The following CCDC93 variants were observed in gnomAD, a reference collection of about 807,000 sequenced individuals.
The protein encoded by CCDC93 is coiled-coil domain-containing protein 93.
In CCDC93, 61 loss-of-function variants were observed where a neutral mutation model predicts 108.2. That is an observed-to-expected ratio of 0.56 (90% confidence interval 0.46 to 0.70). The LOEUF (loss-of-function observed/expected upper bound fraction) is 0.70, where lower values mean the gene tolerates loss of function less well. Ranked by LOEUF, CCDC93 falls within the 30% of genes least tolerant of loss-of-function variation. The probability of loss-of-function intolerance (pLI) is 0.00; values close to 1 mark genes in which losing one functional copy is unlikely to be tolerated. For synonymous variants in CCDC93, 276 were observed against 260.4 expected (o/e 1.06, Z -0.58); for missense variants, 685 against 764.2 (o/e 0.90, Z 1.22).
At chr2:118,000,546 G>A (rs1311894292) in intron 4 of CCDC93, among the ~76,000 whole-genome samples, 1 of 152,172 alleles carries the variant, frequency 6.6e-6, no homozygotes, top group Admixed American at 6.5e-5. Context: ...GAGCATACCA[G>A]GCTACAGAGT....
chr2:117,992,061 G>C (rs1293489513), intron 6 of CCDC93, among the ~76,000 whole-genome samples: 1 of 152,146 alleles, frequency 6.6e-6, no homozygotes, highest in East Asian at 1.9e-4. Context: ...GAAGTGAGGG[G>C]TGTTTAAGCA....
rs888636142 is a variant in CCDC93, at chr2:117,966,222, A to C, written c.888+7686T>G. 3.3e-5 allele frequency among the ~76,000 whole-genome samples: 5 copies of C among 152,132 alleles called. No homozygotes were observed. In the South Asian group the frequency reaches 6.2e-4, roughly 19 times the overall value. The stretch of plus-strand genomic sequence containing the variant: ...TCAGAGGGGCTGCCAGTCACACCCA[A>C]CTCCTGGCAACAATGGGCCTGGGGA... On this transcript the variant is annotated intron_variant, in intron 11 of 23. Transcript: ENST00000376300.
chr2:117,952,366 T>C lies in CCDC93; in HGVS notation c.1068+7A>G, dbSNP rs760703778. The stretch of plus-strand genomic sequence containing the variant: ...GCCCACAGAAGAAGGAGAATCTATC[T>C]GCTCACCTCTGTCAGCGTTTTCTTG... On this transcript the variant is annotated splice_region_variant and intron_variant, in intron 13 of 23. Coordinates refer to ENST00000376300, the MANE Select transcript of CCDC93 (RefSeq NM_019044.5). 2 of 1,595,128 alleles carry C rather than the reference T, an allele frequency of 1.3e-6. No homozygotes were observed. The highest frequency in any genetic ancestry group is 1.1e-5 in the South Asian group (1 of 90,710).
intron 23 of CCDC93, among the ~76,000 whole-genome samples, chr2:117,926,091 C>T (rs1212985241): frequency 6.6e-6 from 1 of 152,018 alleles, no homozygotes; most frequent in Non-Finnish European, 1.5e-5. Context: ...ACACAACATA[C>T]CAGAATCTCT....
At chr2:117,938,939 T>C (rs1027077485) in intron 20 of CCDC93, 90 bp downstream of exon 20, 2 of 706,556 alleles carry the variant, frequency 2.8e-6, no homozygotes, top group Admixed American at 2.2e-5. Flanking sequence ...ATGCTGAACA[T>C]ACCTGTCCCA....
At chr2:117,931,513 C>A in intron 22 of CCDC93, 1 of 233,434 alleles carries the variant, frequency 4.3e-6, no homozygotes, top group Non-Finnish European at 8.5e-6. Context: ...CTACTGGAAT[C>A]ACTGGGTAGA....
At chr2:118,010,462 T>TA (rs1258776548) in intron 1 of CCDC93, among the ~76,000 whole-genome samples, 1 of 152,214 alleles carries the variant, frequency 6.6e-6, no homozygotes, top group East Asian at 1.9e-4. Flanking sequence ...CACATGCTCA[T>TA]AATCATCTCT....
intron 23 of CCDC93, among the ~76,000 whole-genome samples, chr2:117,924,393 CAAATGGCTAACTAG>C (rs1678001610): frequency 2.0e-5 from 3 of 152,100 alleles, no homozygotes; most frequent in Admixed American, 1.3e-4. Flanking sequence ...AAAAATTAGA[CAAATGGCTAACTAG>C]AATAACCAAT....
intron 3 of CCDC93, among the ~76,000 whole-genome samples, chr2:118,002,992 C>T (rs1174398270): frequency 6.6e-6 from 1 of 152,196 alleles, no homozygotes; most frequent in Non-Finnish European, 1.5e-5. Context: ...GAGCTAAGAT[C>T]ACGCCACAGC....
At position 117,920,318 on chromosome 2, in the gene CCDC93, G is replaced by A. The variant is rs1290106983; in HGVS notation, c.*25C>T. The A allele has an allele frequency of 3.8e-6, 6 of 1,582,436 alleles. No homozygotes were observed. The highest frequency in any genetic ancestry group is 3.4e-5 in the Admixed American group (2 of 59,398). On this transcript the variant is annotated 3_prime_UTR_variant, in exon 24 of 24. Coordinates refer to ENST00000376300, the MANE Select transcript of CCDC93 (RefSeq NM_019044.5). ...TACGGTGCTTAAAAGTAAAATCAATGACATACAGCCACGGCTGGGGATGTT... is the reference window on the plus strand; with the variant it reads ...TACGGTGCTTAAAAGTAAAATCAATAACATACAGCCACGGCTGGGGATGTT...
intron 1 of CCDC93, among the ~76,000 whole-genome samples, chr2:118,009,145 C>A (rs1412393135): frequency 6.6e-6 from 1 of 151,700 alleles, no homozygotes. Context: ...CTGAGGCGGG[C>A]GGATCACTTG....
chr2:117,963,994 A>G (rs1679473700), intron 11 of CCDC93, among the ~76,000 whole-genome samples: 1 of 152,252 alleles, frequency 6.6e-6, no homozygotes, highest in South Asian at 2.1e-4. Context: ...TTATCCTTGC[A>G]GTTAGGTATT....
chr2:117,989,542 C>G (rs1680415689), intron 6 of CCDC93, among the ~76,000 whole-genome samples: 1 of 152,144 alleles, frequency 6.6e-6, no homozygotes, highest in South Asian at 2.1e-4. Context: ...TGCCTCAGCT[C>G]CTTGAACATG....
chr2:117,922,603 TA>T (rs1171473558), intron 23 of CCDC93, among the ~76,000 whole-genome samples: 1 of 152,154 alleles, frequency 6.6e-6, no homozygotes, highest in Non-Finnish European at 1.5e-5. Context: ...AGGCAACCGC[TA>T]AGGTGGCAAA....
intron 22 of CCDC93, chr2:117,934,176 G>C (rs1678446371): frequency 6.6e-6 from 1 of 152,148 alleles, no homozygotes; most frequent in Non-Finnish European, 1.5e-5. Context: ...ACTGCTCTCT[G>C]TAAACACGAA....
At chr2:117,935,690 G>T in intron 21 of CCDC93, 111 bp from the exon 22 acceptor site, 1 of 767,868 alleles carries the variant, frequency 1.3e-6, no homozygotes, top group Non-Finnish European at 2.1e-6. Context: ...GAGGCAATCA[G>T]GTCTTTGTAA....
chr2:117,918,331 A>C lies in CCDC93; in HGVS notation c.*2012T>G, dbSNP rs1478107862. The C allele has an allele frequency of 6.6e-6, 1 of 152,196 alleles. No individual in the cohort carries two copies. The highest frequency in any genetic ancestry group is 1.5e-5 in the Non-Finnish European group (1 of 68,038). 9.4% of individuals were successfully genotyped at this position (152,196 alleles called of 1,614,324 possible). A position where few individuals can be genotyped will look rare whatever the true frequency, so the allele number is the denominator to read the frequency against. ...CCTTGTCGATAAAAAAAAAAAGGGA[A>C]TAGAGATCTATGGACACCTCTCTAT... On this transcript the variant is annotated 3_prime_UTR_variant, in exon 24 of 24. Transcript: ENST00000376300.
chr2:117,973,867 G>A (rs1412306158), intron 11 of CCDC93, 41 bp downstream of exon 11: 3 of 1,459,742 alleles, frequency 2.1e-6, no homozygotes, highest in Admixed American at 3.6e-5. Context: ...AAGCCATGGA[G>A]CATTATCTGG....
At chr2:117,946,091 T>C (rs1476804920) in intron 16 of CCDC93, among the ~76,000 whole-genome samples, 2 of 151,676 alleles carry the variant, frequency 1.3e-5, no homozygotes, top group Admixed American at 6.6e-5. Flanking sequence ...CTCAGGAGAG[T>C]GATAACGGCC....
Sources: gnomAD v4.1 joint callset for allele counts (sites outside exome capture counted in the v4.1 genomes callset) on GRCh38, gnomAD v4.1.1 for gene constraint, MANE v1.5 for transcripts, NCBI Gene and HGNC (gene_info 2026-07-23, HGNC 2026-07-21) for gene names.